Variants in KIAA2012 observed in about 807,000 individuals in gnomAD.
The protein encoded by KIAA2012 is KIAA2012.
Under a neutral mutation model 150.6 loss-of-function variants are expected in KIAA2012, and 125 were observed. That is an observed-to-expected ratio of 0.83 (90% CI 0.72 to 0.96). KIAA2012 has a LOEUF of 0.96. KIAA2012 is among the 40% of genes least tolerant of loss of function. KIAA2012 has a pLI of 0.00. For synonymous variants in KIAA2012, 462 were observed against 504.7 expected, an observed-to-expected ratio of 0.92 and a Z score of 1.13; for missense variants, 1,219 against 1,354.9, an observed-to-expected ratio of 0.90 and a Z score of 1.57.
chr2:202,138,529 G>T, intron 13 of KIAA2012, 21 bp downstream of exon 13: 1 of 1,530,150 alleles, frequency 6.5e-7, no homozygotes, highest in South Asian at 1.2e-5. Flanking sequence ...GACTCTGAAT[G>T]AGGATGACAC....
intron 7 of KIAA2012, among the ~76,000 whole-genome samples, chr2:202,101,972 GC>G (rs1302912374): frequency 6.6e-6 from 1 of 151,828 alleles, no homozygotes; most frequent in Non-Finnish European, 1.5e-5. Context: ...GATTTCTTTG[GC>G]CCAGGAGCAA....
chr2:202,193,563 G>T (rs1250218581), intron 20 of KIAA2012, 60 bp downstream of exon 20: 6 of 1,516,804 alleles, frequency 4.0e-6, no homozygotes, highest in Non-Finnish European at 3.6e-6. Context: ...AAAAGACAGT[G>T]GTTGACCTCC....
At chr2:202,074,538 A>G (rs1689279260) in intron 1 of KIAA2012, among the ~76,000 whole-genome samples, 1 of 152,222 alleles carries the variant, frequency 6.6e-6, no homozygotes, top group Non-Finnish European at 1.5e-5. Flanking sequence ...CAGCTAGTCC[A>G]GGTCTAATTT....
rs1201208800 is a variant in KIAA2012 at position 202,109,653 on chromosome 2, T to A, written c.1515T>A (p.Asp505Glu). 5.8e-6 allele frequency: 9 copies of A among 1,549,518 alleles called. No homozygotes were observed. The highest frequency in any genetic ancestry group is 7.8e-6 in the Non-Finnish European group (9 of 1,146,532). ...CTCACGATGTGGCCCCACCATTGGA[T>A]CTTCTACCCCCGATTAAAGGAAAAA... ...APPHDVAPPL[D>E]LLPPIKGKKS... Residue 505 changes from aspartate to glutamate, a missense_variant, in exon 10 of 24, where the codon GAT becomes GAA. Coordinates refer to ENST00000498697, the MANE Select transcript of KIAA2012 (RefSeq NM_001277372.4).
chr2:202,200,500 A>G (rs1457822783), intron 22 of KIAA2012, among the ~76,000 whole-genome samples: 1 of 152,092 alleles, frequency 6.6e-6, no homozygotes, highest in East Asian at 1.9e-4. Flanking sequence ...GGGGAGAAGT[A>G]CAAGGAAAGA....
intron 13 of KIAA2012, among the ~76,000 whole-genome samples, chr2:202,153,674 C>T (rs1691471947): frequency 6.6e-6 from 1 of 152,176 alleles, no homozygotes; most frequent in African/African-American, 2.4e-5. Context: ...TTCAGATGTA[C>T]TTATGTTCCA....
chr2:202,126,671 G>A (rs1055569599), intron 12 of KIAA2012, among the ~76,000 whole-genome samples: 18 of 151,808 alleles, frequency 1.2e-4, no homozygotes, highest in African/African-American at 4.4e-4. Context: ...AGCTACTGTT[G>A]TTATATATTC....
In KIAA2012 at chr2:202,099,803, AC is replaced by A. The variant is rs1689996325; in HGVS notation, c.1012+8del. 6.5e-7 allele frequency: 1 copy of A among 1,546,554 alleles called. No individual in the cohort carries two copies. The highest frequency in any genetic ancestry group is 1.4e-5 in the African/African-American group (1 of 72,842). ...AGGAAGGCAGATCTCAGCGGTAAGA[AC>A]TCAAATGTCTTGCTCATTGATCTGG... On this transcript the variant is annotated splice_region_variant and intron_variant, in intron 6 of 23. Coordinates refer to ENST00000498697, the MANE Select transcript of KIAA2012 (RefSeq NM_001277372.4).
At chr2:202,142,000 C>T (rs1691206328) in intron 13 of KIAA2012, among the ~76,000 whole-genome samples, 1 of 151,948 alleles carries the variant, frequency 6.6e-6, no homozygotes, top group Non-Finnish European at 1.5e-5. Context: ...TAAAGATTAC[C>T]TCCAATTTTA....
intron 15 of KIAA2012, chr2:202,179,556 A>G: frequency 1.5e-6 from 1 of 679,158 alleles, no homozygotes. Flanking sequence ...GTGCTTGTGC[A>G]CACAGCTCGA....
chr2:202,074,489 T>C (rs1016079749), intron 1 of KIAA2012, among the ~76,000 whole-genome samples: 1 of 152,208 alleles, frequency 6.6e-6, no homozygotes, highest in African/African-American at 2.4e-5. Context: ...CACGTACAGC[T>C]GAAGTGGTGG....
chr2:202,130,924 A>T (rs937990261), intron 12 of KIAA2012, among the ~76,000 whole-genome samples: 1 of 152,036 alleles, frequency 6.6e-6, no homozygotes, highest in African/African-American at 2.4e-5. Flanking sequence ...TCAAAAATAA[A>T]TAAATAAATA....
chr2:202,140,493 G>A (rs535300004), intron 13 of KIAA2012, among the ~76,000 whole-genome samples: 35 of 152,204 alleles, frequency 2.3e-4, no homozygotes, highest in Admixed American at 9.2e-4. Context: ...GAAAGAAAGG[G>A]CATCTGAGGA....
At chr2:202,165,084 A>G (rs977016647) in intron 14 of KIAA2012, among the ~76,000 whole-genome samples, 200 bp from the exon 15 acceptor site, 2 of 152,108 alleles carry the variant, frequency 1.3e-5, no homozygotes, top group African/African-American at 4.8e-5. Context: ...TATTATGCCT[A>G]GCCCTGCCTG....
chr2:202,201,970 G>A (rs1009404022), intron 22 of KIAA2012: 3 of 664,464 alleles, frequency 4.5e-6, no homozygotes, highest in Non-Finnish European at 8.1e-6. Flanking sequence ...TTCATGTCAC[G>A]TGACAGTCCA....
chr2:202,135,002 T>C (rs1403678187), intron 12 of KIAA2012, among the ~76,000 whole-genome samples: 3 of 152,224 alleles, frequency 2.0e-5, no homozygotes, highest in Non-Finnish European at 4.4e-5. Flanking sequence ...TTTGAGTGTT[T>C]GGTGAAGGAG....
intron 23 of KIAA2012, among the ~76,000 whole-genome samples, chr2:202,203,225 GAA>G (rs967879292): frequency 1.3e-5 from 2 of 152,126 alleles, no homozygotes; most frequent in African/African-American, 4.8e-5. Flanking sequence ...CAATGTATCT[GAA>G]AGAGTTTAGA....
intron 5 of KIAA2012, 30 bp downstream of exon 5, chr2:202,097,607 C>G (rs62195576): frequency 3.9e-6 from 6 of 1,534,352 alleles, no homozygotes; most frequent in Non-Finnish European, 5.3e-6. Context: ...TTTTTTTCCC[C>G]GAGACGGAGT....
intron 13 of KIAA2012, among the ~76,000 whole-genome samples, chr2:202,145,731 C>T (rs72940519): frequency 0.36 from 48,460 of 135,022 alleles, 8,599 homozygotes; most frequent in East Asian, 0.6. Flanking sequence ...GTTGCCCAGG[C>T]TGGAGTGCAG....
Sources: gnomAD v4.1 joint callset for allele counts (sites outside exome capture counted in the v4.1 genomes callset) on GRCh38, gnomAD v4.1.1 for gene constraint, MANE v1.5 for transcripts, NCBI Gene and HGNC (gene_info 2026-07-23, HGNC 2026-07-21) for gene names.